The following SLC25A30 variants were observed in gnomAD, a reference collection of about 807,000 sequenced individuals.
SLC25A30 encodes solute carrier family 25 member 30, also known as kidney mitochondrial carrier protein 1.
SLC25A30 carries 29 observed loss-of-function variants against 42.7 expected under a neutral mutation model. The observed-to-expected ratio is 0.68, with a 90% CI of 0.51 to 0.93. The LOEUF (loss-of-function observed/expected upper bound fraction) is 0.93, where lower values mean the gene tolerates loss of function less well. Ranked by LOEUF, SLC25A30 falls within the 40% of genes least tolerant of loss-of-function variation. SLC25A30 has a pLI of 0.00. For synonymous variants in SLC25A30, 124 were observed against 131.0 expected, an observed-to-expected ratio of 0.95 and a Z score of 0.37; for missense variants, 300 against 359.7, an observed-to-expected ratio of 0.83 and a Z score of 1.34.
intron 3 of SLC25A30, among the ~76,000 whole-genome samples, chr13:45,407,943 A>T (rs1295460849): frequency 6.6e-6 from 1 of 152,050 alleles, no homozygotes; most frequent in African/African-American, 2.4e-5. Context: ...ACCAATTCAG[A>T]TCCTCATCTA....
upstream of SLC25A30, among the ~76,000 whole-genome samples, chr13:45,422,812 C>T (rs928245405): frequency 6.6e-6 from 1 of 152,118 alleles, no homozygotes; most frequent in Non-Finnish European, 1.5e-5. Context: ...CAGGGATACT[C>T]CCTTTTACCT....
chr13:45,419,908 C>T (rs1424050302), upstream of SLC25A30, among the ~76,000 whole-genome samples: 1 of 151,494 alleles, frequency 6.6e-6, no homozygotes, highest in African/African-American at 2.4e-5. Context: ...CTAGCTGCTG[C>T]ACTCTAGCTG....
rs1387817094 is a variant in SLC25A30, at chr13:45,402,325, C to G, written c.439G>C (p.Gly147Arg). The change falls in exon 6 of 10, where the codon GGC becomes CGC. Residue 147 changes from glycine to arginine, a missense_variant. Physicochemically the swap from Gly to Arg is moderately radical, Grantham distance 125. Coordinates refer to ENST00000519676, the MANE Select transcript of SLC25A30 (RefSeq NM_001010875.4). ...TGCTGGTAAATGTTCATGAAGTTGC[C>G]TATCATTCCTCCTTGAATGGTGTTG... ...QSNTIQGGMI[G>R]NFMNIYQQEG... is the part of the protein sequence containing the mutation. 1 of 1,613,992 alleles carries G rather than the reference C, an allele frequency of 6.2e-7. No homozygotes were observed. Among genetic ancestry groups the G allele is most frequent in the Non-Finnish European group, 8.5e-7 (1 of 1,180,014 alleles).
At chr13:45,424,104 A>C in the SLC25A30 span, among the ~76,000 whole-genome samples, 4 of 37,462 alleles carry the variant, frequency 1.1e-4, no homozygotes, top group East Asian at 4.5e-4. Flanking sequence ...TAAATATATA[A>C]AAATATATAT....
chr13:45,417,005 C>T (rs1161017294), intron 1 of SLC25A30, among the ~76,000 whole-genome samples: 3 of 152,046 alleles, frequency 2.0e-5, no homozygotes, highest in Non-Finnish European at 4.4e-5. Flanking sequence ...TGAACGCTTT[C>T]CAAGTTTCTC....
At chr13:45,415,048 C>T (rs1405519619) in intron 1 of SLC25A30, among the ~76,000 whole-genome samples, 1 of 152,158 alleles carries the variant, frequency 6.6e-6, no homozygotes, top group East Asian at 1.9e-4. Flanking sequence ...TGACAGTCCT[C>T]TTACAGCCAT....
At chr13:45,404,552 C>T (rs1882316266) in intron 4 of SLC25A30, 140 bp from the exon 5 acceptor site, 2 of 653,560 alleles carry the variant, frequency 3.1e-6, no homozygotes, top group South Asian at 3.5e-5. Flanking sequence ...GGCATGGTAG[C>T]TCACATCTGT....
the SLC25A30 span, among the ~76,000 whole-genome samples, chr13:45,432,269 CA>C: frequency 0.073 from 6,796 of 92,898 alleles, 241 homozygotes; most frequent in African/African-American, 0.15. Context: ...GACTCTGTTT[CA>C]AAAAAAAAAA....
At chr13:45,416,039 C>A (rs1883500309) in intron 1 of SLC25A30, among the ~76,000 whole-genome samples, 1 of 149,762 alleles carries the variant, frequency 6.7e-6, no homozygotes, top group Non-Finnish European at 1.5e-5. Context: ...ACCTTGTGAT[C>A]TGCCTGCCTC....
At chr13:45,429,016 C>T in the SLC25A30 span, among the ~76,000 whole-genome samples, 6 of 150,292 alleles carry the variant, frequency 4.0e-5, no homozygotes, top group African/African-American at 1.5e-4. Flanking sequence ...CTAACCAAAC[C>T]AGCAATGGGA....
At chr13:45,423,010 C>A (rs1001482792), upstream of SLC25A30, among the ~76,000 whole-genome samples, 1 of 152,102 alleles carries the variant, frequency 6.6e-6, no homozygotes, top group Non-Finnish European at 1.5e-5. Context: ...TACCGCACTT[C>A]AAAAGAATGA....
At chr13:45,413,279 T>C (rs892535748) in intron 1 of SLC25A30, among the ~76,000 whole-genome samples, 5 of 152,346 alleles carry the variant, frequency 3.3e-5, no homozygotes, top group African/African-American at 9.6e-5. Flanking sequence ...TTTGAAAATA[T>C]TTAATAACTG....
rs546833711 is a variant in SLC25A30 at position 45,393,494 on chromosome 13, T to C, written c.*2480A>G. The stretch of plus-strand genomic sequence containing the variant: ...TAAATATAAAGGACAGGAGCCACTT[T>C]TTATATTATGAATCCACAACATTAA... On this transcript the variant is annotated 3_prime_UTR_variant, in exon 10 of 10. Transcript: ENST00000519676. 1.8e-3 allele frequency: 1,731 copies of C among 985,336 alleles called. 1 individual carries two copies. The highest frequency in any genetic ancestry group is 2.0e-3 in the Non-Finnish European group (1,625 of 829,856). 61.0% of individuals were successfully genotyped at this position (985,336 alleles called of 1,614,324 possible).
chr13:45,409,280 CCTTT>C (rs1357142400), intron 2 of SLC25A30, among the ~76,000 whole-genome samples: 2 of 152,214 alleles, frequency 1.3e-5, no homozygotes, highest in Admixed American at 6.5e-5. Context: ...GATATATTTT[CCTTT>C]CTTTATCTTT....
At chr13:45,398,160 C>T in intron 8 of SLC25A30, 5 of 488,878 alleles carry the variant, frequency 1.0e-5, no homozygotes, top group Non-Finnish European at 1.3e-5. Context: ...TTTGCAGCAA[C>T]ATGGATGGAG....
chr13:45,421,145 G>A (rs951741791), upstream of SLC25A30, among the ~76,000 whole-genome samples: 3 of 151,986 alleles, frequency 2.0e-5, no homozygotes, highest in East Asian at 3.9e-4. Flanking sequence ...TTGGGAGGCC[G>A]AAGCAGGTGG....
chr13:45,400,033 T>TATACATAC (rs571184813), intron 7 of SLC25A30, among the ~76,000 whole-genome samples: 2 of 122,988 alleles, frequency 1.6e-5, no homozygotes, highest in African/African-American at 6.1e-5. Context: ...TATATATATA[T>TATACATAC]ACACACACAC....
intron 2 of SLC25A30, among the ~76,000 whole-genome samples, 164 bp downstream of exon 2, chr13:45,411,198 C>G (rs758764584): frequency 6.6e-6 from 1 of 152,140 alleles, no homozygotes; most frequent in Non-Finnish European, 1.5e-5. Flanking sequence ...CCTCAGCCTA[C>G]TAAAGTGCTG....
chr13:45,408,802 A>G (rs1882743318), intron 3 of SLC25A30, 125 bp downstream of exon 3: 2 of 739,388 alleles, frequency 2.7e-6, no homozygotes, highest in Non-Finnish European at 4.0e-6. Context: ...AAAATCTGTC[A>G]TGCTATTTGT....
Sources: gnomAD v4.1 joint callset for allele counts (sites outside exome capture counted in the v4.1 genomes callset) on GRCh38, gnomAD v4.1.1 for gene constraint, MANE v1.5 for transcripts, NCBI Gene and HGNC (gene_info 2026-07-23, HGNC 2026-07-21) for gene names.